Variants in LTN1 observed in about 807,000 individuals in gnomAD.
LTN1 encodes the protein E3 ubiquitin-protein ligase listerin.
LTN1 carries 88 observed loss-of-function variants against 201.2 expected under a neutral mutation model. The observed-to-expected ratio is 0.44, with a 90% CI of 0.37 to 0.52. The LOEUF is 0.52. Among genes scored for constraint, LTN1 ranks in the 20% least tolerant of loss-of-function variants. The pLI is 0.00. For missense variants in LTN1, 1,752 were observed against 2,038.7 expected (o/e 0.86, Z 2.71); for synonymous variants, 645 against 713.5 (o/e 0.90, Z 1.53).
Position 28,986,465 on chromosome 21 carries a change from T to G in LTN1, c.247-228A>C. 3.0e-6 allele frequency: 2 copies of G among 674,816 alleles called. No homozygotes were observed. Among genetic ancestry groups the G allele is most frequent in the Non-Finnish European group, 5.3e-6 (2 of 376,948 alleles). The allele number at this position is 674,816 out of a possible 1,614,324, so 41.8% of individuals were successfully genotyped here. A position where few individuals can be genotyped will look rare whatever the true frequency, so the allele number is the denominator to read the frequency against. Reference sequence around the variant, plus strand: ...ACAAACAAAAAAACCTCATTTAAAGTTACAAGGTCAAAGTTACATTCCCTA... The same window carrying G: ...ACAAACAAAAAAACCTCATTTAAAGGTACAAGGTCAAAGTTACATTCCCTA... On this transcript the variant is annotated intron_variant, in intron 2 of 29. Coordinates refer to ENST00000361371, the MANE Select transcript of LTN1 (RefSeq NM_015565.3). This position sits in a 1 kb window ranked among gnomAD's most constrained non-coding sequence, Gnocchi z 4.1.
Position 28,966,798 on chromosome 21 carries a change from C to T in LTN1, c.1693G>A (p.Gly565Ser), listed in dbSNP as rs34191159. The T allele has an allele frequency of 6.2e-7, 1 of 1,613,030 alleles. No individual in the cohort carries two copies. The highest frequency in any genetic ancestry group is 8.5e-7 in the Non-Finnish European group (1 of 1,179,684). The change falls in exon 10 of 30, where the codon GGC becomes AGC. Residue 565 changes from glycine to serine, a missense_variant. Physicochemically the swap from Gly to Ser is moderately conservative, Grantham distance 56. Coordinates refer to ENST00000361371, the MANE Select transcript of LTN1 (RefSeq NM_015565.3). The part of the protein sequence containing the change: ...CVSSEGEKIE[G>S]WELTTEPSLT... ...GAAGGTTCAGTTGTTAATTCCCAGCCTTCAATCTTCTCTCCTTCTGAAGAT... is the reference window on the plus strand; with the variant it reads ...GAAGGTTCAGTTGTTAATTCCCAGCTTTCAATCTTCTCTCCTTCTGAAGAT...
In LTN1 at chr21:28,935,324, T is replaced by C; in HGVS notation, c.4660A>G (p.Thr1554Ala). Residue 1554 changes from threonine to alanine, a missense_variant, in exon 27 of 30, where the codon ACA becomes GCA. Thr to Ala is a moderately conservative substitution (Grantham distance 58). This residue lies in a region of LTN1 where 261 missense variants were observed against 350.1 expected (regional missense o/e 0.75). Transcript: ENST00000361371. ...EELQLSIRET[T>A]MLPYHIPHLA... is the part of the protein sequence containing the mutation. Reference sequence around the variant, plus strand: ...TGTGGAATGTGGTATGGAAGCATTGTTGTTTCTGAGGAAAAAACAAATTAT... The same window carrying C: ...TGTGGAATGTGGTATGGAAGCATTGCTGTTTCTGAGGAAAAAACAAATTAT... 2 of 1,610,120 alleles carry C rather than the reference T, an allele frequency of 1.2e-6. No homozygotes were observed. Among genetic ancestry groups the C allele is most frequent in the Non-Finnish European group, 1.7e-6 (2 of 1,177,062 alleles).
At chr21:28,991,054 T>C (rs1238761924) in intron 1 of LTN1, among the ~76,000 whole-genome samples, 1 of 151,950 alleles carries the variant, frequency 6.6e-6, no homozygotes, top group East Asian at 1.9e-4. Context: ...GGAGGATCAC[T>C]TGAACCCGAG....
chr21:28,957,205 C>G, intron 15 of LTN1, 127 bp downstream of exon 15: 1 of 947,798 alleles, frequency 1.1e-6, no homozygotes, highest in Non-Finnish European at 1.5e-6. Flanking sequence ...TATGAGCATA[C>G]AAAGACATCA....
intron 4 of LTN1, among the ~76,000 whole-genome samples, chr21:28,983,473 C>T (rs781395913): frequency 2.2e-4 from 33 of 152,152 alleles, no homozygotes; most frequent in Non-Finnish European, 5.9e-5. Flanking sequence ...AAGCTACAAA[C>T]CCTCTCTCTA....
At chr21:28,981,621 A>T (rs935043124) in intron 5 of LTN1, among the ~76,000 whole-genome samples, 15 of 152,232 alleles carry the variant, frequency 9.9e-5, no homozygotes, top group Middle Eastern at 3.4e-3. Flanking sequence ...TCCCTCAAGG[A>T]CTCTTAAAAC....
chr21:28,948,492 C>T (rs964880392), intron 18 of LTN1, among the ~76,000 whole-genome samples: 19 of 151,520 alleles, frequency 1.3e-4, no homozygotes, highest in Non-Finnish European at 2.7e-4. Flanking sequence ...AGGCTGGTCG[C>T]GAACTCCTGA....
chr21:28,981,416 A>T (rs999576163), intron 5 of LTN1, 117 bp from the exon 6 acceptor site: 35 of 542,710 alleles, frequency 6.4e-5, no homozygotes, highest in Non-Finnish European at 9.5e-5. Context: ...CTTTATTTCT[A>T]TCTTCTATTT....
chr21:28,943,557 A>G (rs2084313626), intron 23 of LTN1, 110 bp downstream of exon 23: 1 of 845,106 alleles, frequency 1.2e-6, no homozygotes, highest in East Asian at 2.7e-5. Context: ...TGAAGCAGTC[A>G]GATCTCCTTC....
rs371333633 is a variant in LTN1, at chr21:28,991,353, C to T, written c.42+1411G>A. Reference sequence around the variant, plus strand: ...TAACTACAGAAGTCTAAATACAAGGCTGTATCCTGGATTACAGTATTATAC... The same window carrying T: ...TAACTACAGAAGTCTAAATACAAGGTTGTATCCTGGATTACAGTATTATAC... On this transcript the variant is annotated intron_variant, in intron 1 of 29. Coordinates refer to ENST00000361371, the MANE Select transcript of LTN1 (RefSeq NM_015565.3). 1.1e-4 allele frequency among the ~76,000 whole-genome samples: 16 copies of T among 151,848 alleles called. No individual in the cohort carries two copies. The East Asian group carries it at 2.9e-3, about 28-fold the overall frequency.
intron 6 of LTN1, among the ~76,000 whole-genome samples, chr21:28,975,011 A>G (rs1164826584): frequency 6.6e-6 from 1 of 152,176 alleles, no homozygotes; most frequent in Non-Finnish European, 1.5e-5. Context: ...TTGGATAAAT[A>G]TAAAATAAAC....
At chr21:28,942,120 T>C (rs1009338578) in intron 24 of LTN1, among the ~76,000 whole-genome samples, 2 of 152,220 alleles carry the variant, frequency 1.3e-5, no homozygotes, top group Admixed American at 1.3e-4. Flanking sequence ...GTTCTTCCCT[T>C]GTGGCTTCCT....
Position 28,984,770 on chromosome 21 carries a change from T to C in LTN1, c.498A>G (p.Ala166=), listed in dbSNP as rs374446783. 1.0e-4 allele frequency: 168 copies of C among 1,614,118 alleles called. No individual in the cohort carries two copies. The highest frequency in any genetic ancestry group is 1.3e-4 in the Non-Finnish European group (156 of 1,180,036). The change falls in exon 4 of 30, where the codon GCA becomes GCG. Residue 166 remains alanine (A), a synonymous_variant. Coordinates refer to ENST00000361371, the MANE Select transcript of LTN1 (RefSeq NM_015565.3). ...GAAAAGCCGCTTCAAATGCATCTTT[T>C]GCTGCAAACGCAGCTGGTGTGTAAG... The part of the protein sequence containing the change: ...CDTYTPAAFA[A]KDAFEAAFPP...
intron 26 of LTN1, 120 bp downstream of exon 26, chr21:28,936,406 A>G: frequency 1.5e-6 from 1 of 672,440 alleles, no homozygotes; most frequent in Admixed American, 2.8e-5. Flanking sequence ...GGTCAATTTC[A>G]ACATTCTCAT....
intron 11 of LTN1, among the ~76,000 whole-genome samples, chr21:28,962,988 T>C (rs1305307045): frequency 1.3e-5 from 2 of 152,182 alleles, no homozygotes; most frequent in Non-Finnish European, 2.9e-5. Flanking sequence ...TTTAATTCTA[T>C]GAAGGCTGAG....
chr21:28,933,951 C>T (rs2084233466), intron 27 of LTN1, among the ~76,000 whole-genome samples: 3 of 152,276 alleles, frequency 2.0e-5, no homozygotes, highest in African/African-American at 4.8e-5. Flanking sequence ...GTTGGGATTA[C>T]AGGCGTGAGC....
chr21:28,954,842 A>T (rs770028951), intron 16 of LTN1, among the ~76,000 whole-genome samples: 23 of 152,188 alleles, frequency 1.5e-4, no homozygotes, highest in Non-Finnish European at 2.9e-4. Flanking sequence ...AACAACTAGA[A>T]AGCATCAAGG....
In LTN1 at chr21:28,946,157, G is replaced by C. The variant is rs201733218; in HGVS notation, c.3618C>G (p.Phe1206Leu). Residue 1206 changes from phenylalanine to leucine, a missense_variant, in exon 20 of 30, where the codon TTC becomes TTG. Physicochemically the swap from Phe to Leu is conservative, Grantham distance 22 (BLOSUM62 0). Transcript: ENST00000361371. The stretch of plus-strand genomic sequence containing the variant: ...TAGTATAAAGTATCACCTACCAACT[G>C]AAAAGAAAAATATCTTCATGCTCTT... Reference protein sequence around the residue: ...WKKEHEDIFLFSCNLSEASPE... With the variant: ...WKKEHEDIFLLSCNLSEASPE... 2.5e-6 allele frequency: 4 copies of C among 1,577,480 alleles called. No homozygotes were observed. The highest frequency in any genetic ancestry group is 3.4e-6 in the Non-Finnish European group (4 of 1,163,652).
chr21:28,938,950 G>A (rs898897056), intron 25 of LTN1, among the ~76,000 whole-genome samples: 3 of 152,126 alleles, frequency 2.0e-5, no homozygotes, highest in African/African-American at 7.2e-5. Context: ...ACAATGGGAT[G>A]TTGAAAAGGT....
Sources: allele counts gnomAD v4.1 joint callset (sites outside exome capture counted in the v4.1 genomes callset), GRCh38; gene constraint gnomAD v4.1.1; regional missense constraint gnomAD v4.1.1; non-coding constraint Gnocchi (gnomAD v3.1); transcripts MANE v1.5; gene names NCBI Gene and HGNC (gene_info 2026-07-23, HGNC 2026-07-21).